Variants in DLC1 observed in about 807,000 individuals in gnomAD.
DLC1 encodes the protein DLC1 Rho GTPase activating protein.
In DLC1, 54 loss-of-function variants were observed where a neutral mutation model predicts 140.3. The ratio of observed to expected loss-of-function variants is 0.38; its 90% CI spans 0.31 to 0.48. The LOEUF is 0.48. Ranked by LOEUF, DLC1 falls within the 20% of genes least tolerant of loss-of-function variation. The pLI is 0.96. For missense variants in DLC1, 2,536 were observed against 1,907.0 expected, an observed-to-expected ratio of 1.33 and a Z score of -6.14; for synonymous variants, 986 against 728.1, an observed-to-expected ratio of 1.35 and a Z score of -5.70.
intron 2 of DLC1, among the ~76,000 whole-genome samples, chr8:13,414,209 T>G (rs1837941378): frequency 6.6e-6 from 1 of 152,218 alleles, no homozygotes; most frequent in Non-Finnish European, 1.5e-5. Context: ...TACATTCATA[T>G]ATTGACATAT....
chr8:13,107,074 G>T (rs916090368), intron 7 of DLC1, among the ~76,000 whole-genome samples: 2 of 152,208 alleles, frequency 1.3e-5, no homozygotes, highest in Non-Finnish European at 2.9e-5. Context: ...AGCAAGATCA[G>T]GCCAAAGCCG....
chr8:13,150,651 T>G (rs1823738037), intron 5 of DLC1, among the ~76,000 whole-genome samples: 1 of 152,232 alleles, frequency 6.6e-6, no homozygotes, highest in South Asian at 2.1e-4. Context: ...GGCTTTGTCT[T>G]TAACTCAGTC....
At chr8:13,545,884 G>A (rs1036853292) in intron 1 of DLC1, among the ~76,000 whole-genome samples, 30 of 152,030 alleles carry the variant, frequency 2.0e-4, no homozygotes, top group Non-Finnish European at 3.5e-4. Context: ...TGCATAAAAC[G>A]GTAAGAAGCC....
At chr8:13,547,809 C>G (rs758833003) in intron 1 of DLC1, among the ~76,000 whole-genome samples, 19 of 152,018 alleles carry the variant, frequency 1.2e-4, no homozygotes, top group Non-Finnish European at 2.5e-4. Flanking sequence ...TCTCTAGAGA[C>G]TTTGTTGAAT....
intron 5 of DLC1, among the ~76,000 whole-genome samples, chr8:13,120,356 A>AAAAAAAAAATATAAATATAC: frequency 1.6e-5 from 1 of 61,124 alleles, no homozygotes; most frequent in Non-Finnish European, 3.8e-5. Flanking sequence ...AAAAAAAAAA[A>AAAAAAAAAATATAAATATAC]ATATATATAT....
chr8:13,260,523 T>C (rs141321652), intron 5 of DLC1, among the ~76,000 whole-genome samples: 38 of 152,288 alleles, frequency 2.5e-4, no homozygotes, highest in Middle Eastern at 3.4e-3. Flanking sequence ...TTAATTCCAT[T>C]TTAATGTGAA....
Position 13,327,678 on chromosome 8 carries a change from A to G in DLC1, c.1315-22376T>C, listed in dbSNP as rs539309937. On this transcript the variant is annotated intron_variant, in intron 4 of 17. Coordinates refer to ENST00000276297, the MANE Select transcript of DLC1 (RefSeq NM_182643.3). ...GTATCCATCCATCCACTTGACAAAA[A>G]TGTACTGAGCCTCTACTCTGTATCA... Among the ~76,000 whole-genome samples the G allele has an allele frequency of 2.0e-5, 3 of 152,280 alleles. No individual in the cohort carries two copies. The South Asian group carries it at 6.2e-4, about 32-fold the overall frequency.
intron 1 of DLC1, among the ~76,000 whole-genome samples, chr8:13,560,197 T>C (rs1321368508): frequency 6.6e-6 from 1 of 152,190 alleles, no homozygotes; most frequent in Non-Finnish European, 1.5e-5. Context: ...TTTTACCGGA[T>C]ACTCAGATCG....
intron 4 of DLC1, among the ~76,000 whole-genome samples, chr8:13,344,487 C>G (rs905796927): frequency 2.6e-5 from 4 of 152,104 alleles, no homozygotes; most frequent in African/African-American, 7.2e-5. Flanking sequence ...GAGTGAAACT[C>G]CATCTCAAAA....
chr8:13,588,849 G>A (rs1252906222), intron 1 of DLC1, among the ~76,000 whole-genome samples: 2 of 152,016 alleles, frequency 1.3e-5, no homozygotes, highest in African/African-American at 2.4e-5. Flanking sequence ...GTTTATGGGA[G>A]TTCTTTTGTT....
chr8:13,556,458 T>C (rs1269547163), intron 1 of DLC1, among the ~76,000 whole-genome samples: 1 of 152,236 alleles, frequency 6.6e-6, no homozygotes, highest in East Asian at 1.9e-4. Flanking sequence ...GATTCTAATG[T>C]ATAGCAAAAT....
At chr8:13,172,595 C>T (rs972142475) in intron 5 of DLC1, among the ~76,000 whole-genome samples, 24 of 152,222 alleles carry the variant, frequency 1.6e-4, no homozygotes, top group Admixed American at 1.5e-3. Flanking sequence ...TTAGAGACTT[C>T]GTCAACTCAC....
intron 5 of DLC1, among the ~76,000 whole-genome samples, chr8:13,248,161 T>G (rs1829843856): frequency 6.6e-6 from 1 of 152,218 alleles, no homozygotes; most frequent in Non-Finnish European, 1.5e-5. Context: ...TGTCCAGCAC[T>G]CCTTTGCTCC....
intron 1 of DLC1, among the ~76,000 whole-genome samples, chr8:13,509,256 T>C (rs1802249538): frequency 6.6e-6 from 1 of 152,194 alleles, no homozygotes; most frequent in South Asian, 2.1e-4. Flanking sequence ...ATAACAGATA[T>C]AGCTACATCA....
intron 1 of DLC1, among the ~76,000 whole-genome samples, chr8:13,546,800 C>T (rs897997051): frequency 6.6e-6 from 1 of 152,044 alleles, no homozygotes; most frequent in Non-Finnish European, 1.5e-5. Context: ...TTTCTATTTT[C>T]TGTATTTCAC....
intron 5 of DLC1, among the ~76,000 whole-genome samples, chr8:13,269,016 G>C (rs1038866868): frequency 1.3e-5 from 2 of 151,694 alleles, no homozygotes; most frequent in African/African-American, 4.8e-5. Flanking sequence ...TGGGACTAAA[G>C]GCACCCGCCA....
chr8:13,519,768 A>T (rs1233845847), upstream of DLC1, among the ~76,000 whole-genome samples: 2 of 152,210 alleles, frequency 1.3e-5, no homozygotes, highest in East Asian at 3.9e-4. Flanking sequence ...AGTTATCTTG[A>T]TAAATTTACA....
At chr8:13,156,516 A>G (rs1339463200) in intron 5 of DLC1, among the ~76,000 whole-genome samples, 1 of 152,154 alleles carries the variant, frequency 6.6e-6, no homozygotes, top group Non-Finnish European at 1.5e-5. Flanking sequence ...GGCAAAACCT[A>G]TCAAATATTT....
chr8:13,434,683 T>A, intron 2 of DLC1, among the ~76,000 whole-genome samples: 1 of 152,242 alleles, frequency 6.6e-6, no homozygotes, highest in East Asian at 1.9e-4. Context: ...GTTTTATTAT[T>A]AGTAGTATTT....
Sources: allele counts gnomAD v4.1 joint callset (sites outside exome capture counted in the v4.1 genomes callset), GRCh38; gene constraint gnomAD v4.1.1; transcripts MANE v1.5; gene names NCBI Gene and HGNC (gene_info 2026-07-23, HGNC 2026-07-21).